NAALADL2: variants seen among roughly 807,000 people sequenced by gnomAD.
NAALADL2 encodes inactive N-acetylated-alpha-linked acidic dipeptidase-like protein 2.
A neutral mutation model predicts 87.2 loss-of-function variants in NAALADL2; 76 were observed. The ratio of observed to expected loss-of-function variants is 0.87; its 90% CI spans 0.72 to 1.05. The LOEUF is 1.05. Among genes scored for constraint, NAALADL2 ranks in the 50% least tolerant of loss-of-function variants. The pLI is 0.00. For missense variants in NAALADL2, 1,089 were observed against 945.8 expected (o/e 1.15, Z -1.99); for synonymous variants, 354 against 331.0 (o/e 1.07, Z -0.75).
intron 1 of NAALADL2, among the ~76,000 whole-genome samples, chr3:175,051,293 A>G (rs747731567): frequency 6.6e-6 from 1 of 152,332 alleles, no homozygotes. Flanking sequence ...GGGTTAAACA[A>G]TACCCATTTA....
At chr3:175,781,546 T>A (rs751600256) in intron 13 of NAALADL2, among the ~76,000 whole-genome samples, 12 of 152,058 alleles carry the variant, frequency 7.9e-5, no homozygotes, top group Non-Finnish European at 1.6e-4. Context: ...ACTTACTATA[T>A]GATACATTGA....
intron 3 of NAALADL2, among the ~76,000 whole-genome samples, chr3:174,800,630 C>G (rs1184418995): frequency 6.6e-6 from 1 of 152,138 alleles, no homozygotes; most frequent in Non-Finnish European, 1.5e-5. Flanking sequence ...CCTAGTAGAG[C>G]TGTGAGAAGA....
chr3:175,718,416 C>G, intron 11 of NAALADL2: 2 of 1,589,720 alleles, frequency 1.3e-6, no homozygotes, highest in Non-Finnish European at 1.7e-6. Flanking sequence ...ATTTTTGTTA[C>G]AAATCTTAAA....
At chr3:175,786,758 TGGAGGA>T (rs530821005) in intron 13 of NAALADL2, among the ~76,000 whole-genome samples, 1,568 of 150,914 alleles carry the variant, frequency 0.01, 34 homozygotes, top group African/African-American at 0.034. Context: ...TGCGTTCCTT[TGGAGGA>T]GGAGGAGGAG....
intron 2 of NAALADL2, among the ~76,000 whole-genome samples, chr3:175,172,767 G>T (rs1459401139): frequency 6.6e-6 from 1 of 152,126 alleles, no homozygotes; most frequent in East Asian, 1.9e-4. Context: ...GAGGCAGTGA[G>T]TTCTAAATGG....
chr3:175,011,272 C>CAGAGAGAGAG (rs1408169414), intron 1 of NAALADL2, among the ~76,000 whole-genome samples: 5 of 110,372 alleles, frequency 4.5e-5, no homozygotes, highest in East Asian at 2.5e-4. Context: ...GGGAGAGAGA[C>CAGAGAGAGAG]AGAGAGACAG....
chr3:174,895,371 T>G (rs1458075852), intron 1 of NAALADL2, among the ~76,000 whole-genome samples: 1 of 151,940 alleles, frequency 6.6e-6, no homozygotes, highest in Admixed American at 6.6e-5. Context: ...TGTGGAAATT[T>G]AAAGGATCAT....
At chr3:175,013,258 C>CATATATTTT (rs1271345621) in intron 1 of NAALADL2, among the ~76,000 whole-genome samples, 1 of 76,144 alleles carries the variant, frequency 1.3e-5, no homozygotes, top group Non-Finnish European at 2.3e-5. Context: ...ATATAATATA[C>CATATATTTT]ATATATTTTT....
intron 9 of NAALADL2, among the ~76,000 whole-genome samples, chr3:175,532,912 G>T (rs1433750270): frequency 6.6e-6 from 1 of 152,106 alleles, no homozygotes; most frequent in African/African-American, 2.4e-5. Flanking sequence ...TCTTCTGGAC[G>T]CTCCCAGCTG....
chr3:174,627,081 G>C lies in NAALADL2; in HGVS notation c.-115+76444G>C, dbSNP rs77553231. ...ATGGTTCATGGTCTGTGACCTTAGG[G>C]ATCTAAAAGTTAAGTCATTTATATT... On this transcript the variant is annotated intron_variant, in intron 2 of 3. Coordinates refer to the NAALADL2 transcript ENST00000434257. 7.8e-3 allele frequency among the ~76,000 whole-genome samples: 1,187 copies of C among 152,146 alleles called. 15 individuals carry two copies. The highest frequency in any genetic ancestry group is 0.027 in the African/African-American group (1,121 of 41,534).
chr3:174,517,934 C>T (rs920326250), intron 1 of NAALADL2, among the ~76,000 whole-genome samples: 3 of 152,168 alleles, frequency 2.0e-5, no homozygotes, highest in East Asian at 1.9e-4. Context: ...ATACACAAGT[C>T]CCAATCTCAA....
chr3:175,572,625 C>T (rs1032548577), intron 9 of NAALADL2, among the ~76,000 whole-genome samples: 4 of 151,926 alleles, frequency 2.6e-5, no homozygotes, highest in African/African-American at 9.7e-5. Context: ...TAAAAGAAAC[C>T]ATGGAAATGG....
chr3:175,619,124 A>G (rs1725789248), intron 10 of NAALADL2, among the ~76,000 whole-genome samples: 1 of 152,228 alleles, frequency 6.6e-6, no homozygotes, highest in East Asian at 1.9e-4. Flanking sequence ...GCAGCCAACA[A>G]CTGGTGGAGC....
Position 175,096,914 on chromosome 3 carries a change from A to G in NAALADL2, c.168A>G (p.Leu56=). 1 of 1,613,514 alleles carries G rather than the reference A, an allele frequency of 6.2e-7. No individual in the cohort carries two copies. The highest frequency in any genetic ancestry group is 8.5e-7 in the Non-Finnish European group (1 of 1,179,678). The part of the protein sequence containing the change: ...LDLEWDMEKE[L]EESGFDQFQL... ...TAGAGTGGGACATGGAGAAGGAACT[A>G]GAGGAGTCTGGTTTTGACCAATTCC... Residue 56 remains leucine (L), a synonymous_variant, in exon 2 of 14, where the codon CTA becomes CTG. Coordinates refer to ENST00000454872, the MANE Select transcript of NAALADL2 (RefSeq NM_207015.3).
chr3:175,044,151 T>C (rs187963622), intron 1 of NAALADL2, among the ~76,000 whole-genome samples: 5 of 152,288 alleles, frequency 3.3e-5, no homozygotes, highest in South Asian at 2.1e-4. Context: ...ATTCTCTCAA[T>C]TTCTGTTTTG....
At chr3:175,205,808 A>G (rs867099935) in intron 2 of NAALADL2, among the ~76,000 whole-genome samples, 1 of 151,732 alleles carries the variant, frequency 6.6e-6, no homozygotes, top group Admixed American at 6.6e-5. Flanking sequence ...ACAATTCTCA[A>G]AAGAAGATAT....
intron 13 of NAALADL2, among the ~76,000 whole-genome samples, chr3:175,799,437 T>C (rs1753877726): frequency 6.6e-6 from 1 of 152,118 alleles, no homozygotes; most frequent in African/African-American, 2.4e-5. Flanking sequence ...TATATATCCA[T>C]TTATATTTAT....
At chr3:175,509,729 G>T (rs984970829) in intron 9 of NAALADL2, among the ~76,000 whole-genome samples, 2 of 152,224 alleles carry the variant, frequency 1.3e-5, no homozygotes, top group South Asian at 4.1e-4. Flanking sequence ...GAGAGACTGG[G>T]TAATTTATAA....
At position 175,447,308 on chromosome 3, in the gene NAALADL2, G is replaced by A. The variant is rs1268686579; in HGVS notation, c.1170G>A (p.Leu390=). ...QPISAPLVAK[L]ISSPKARTKN... ...TCTCTGCACCCCTCGTTGCAAAACTGATCTCTTCGCCAAAAGCTAGAACCA... is the reference window on the plus strand; with the variant it reads ...TCTCTGCACCCCTCGTTGCAAAACTAATCTCTTCGCCAAAAGCTAGAACCA... The change falls in exon 6 of 14, where the codon CTG becomes CTA. Residue 390 remains leucine, a synonymous_variant. Transcript: ENST00000454872. 6.2e-7 allele frequency: 1 copy of A among 1,605,512 alleles called. No homozygotes were observed. The highest frequency in any genetic ancestry group is 1.7e-5 in the Admixed American group (1 of 58,850).
Sources: allele counts gnomAD v4.1 joint callset (sites outside exome capture counted in the v4.1 genomes callset), GRCh38; gene constraint gnomAD v4.1.1; transcripts MANE v1.5; gene names NCBI Gene and HGNC (gene_info 2026-07-23, HGNC 2026-07-21).